CHN1: variants seen among roughly 807,000 people sequenced by gnomAD.
CHN1 encodes chimerin 1, also known as N-chimaerin.
CHN1 carries 37 observed loss-of-function variants against 59.5 expected under a neutral mutation model. That is an observed-to-expected ratio of 0.62 (90% CI 0.48 to 0.82). The LOEUF is 0.82. CHN1 is among the 40% of genes least tolerant of loss of function. The pLI is 0.00. For missense variants in CHN1, 469 were observed against 571.0 expected, an observed-to-expected ratio of 0.82 and a Z score of 1.82; for synonymous variants, 206 against 200.4, an observed-to-expected ratio of 1.03 and a Z score of -0.24.
At chr2:174,859,378 G>A (rs961009052) in intron 6 of CHN1, among the ~76,000 whole-genome samples, 10 of 152,180 alleles carry the variant, frequency 6.6e-5, no homozygotes, top group South Asian at 2.1e-4. Context: ...GCCCAAGGGA[G>A]GACTCAGAAA....
chr2:174,801,975 C>T (rs1191954291), intron 11 of CHN1, 163 bp from the exon 12 acceptor site: 4 of 536,258 alleles, frequency 7.5e-6, no homozygotes, highest in Non-Finnish European at 1.3e-5. Flanking sequence ...GGTTCAAGTC[C>T]AGATTTCCAA....
At chr2:174,871,227 C>A (rs1687396805) in intron 6 of CHN1, among the ~76,000 whole-genome samples, 1 of 150,736 alleles carries the variant, frequency 6.6e-6, no homozygotes, top group South Asian at 2.1e-4. Context: ...CTAGCCACCA[C>A]CCTCACGAAC....
chr2:174,940,586 G>A (rs1278503872), intron 3 of CHN1, among the ~76,000 whole-genome samples: 1 of 151,656 alleles, frequency 6.6e-6, no homozygotes, highest in Non-Finnish European at 1.5e-5. Context: ...GATGTCTTAT[G>A]GAAGGTACAC....
chr2:174,880,915 G>A (rs918070931), intron 5 of CHN1, among the ~76,000 whole-genome samples: 3 of 151,882 alleles, frequency 2.0e-5, no homozygotes, highest in African/African-American at 7.3e-5. Context: ...GCGTGGTAGC[G>A]CATGCCTGTA....
chr2:174,885,164 A>G lies in CHN1; in HGVS notation c.261-7036T>C, dbSNP rs1220833694. Among the ~76,000 whole-genome samples the G allele has an allele frequency of 4.6e-5, 7 of 150,932 alleles. No individual in the cohort carries two copies. In the East Asian group the frequency reaches 1.4e-3, roughly 29 times the overall value. On this transcript the variant is annotated intron_variant, in intron 5 of 12. Transcript: ENST00000409900. Reference sequence around the variant, plus strand: ...CAGCCAGGCGCCCGTAGTCCCAGCTACTCAGGAGGACGAGACAGGAGAATC... The same window carrying G: ...CAGCCAGGCGCCCGTAGTCCCAGCTGCTCAGGAGGACGAGACAGGAGAATC...
intron 5 of CHN1, among the ~76,000 whole-genome samples, chr2:174,906,560 T>A (rs1320786428): frequency 1.3e-5 from 2 of 152,152 alleles, no homozygotes; most frequent in Non-Finnish European, 2.9e-5. Flanking sequence ...ACCACTGAAC[T>A]GTACACTTGA....
At chr2:174,810,711 ATATT>A (rs1232736857) in intron 10 of CHN1, among the ~76,000 whole-genome samples, 2 of 152,204 alleles carry the variant, frequency 1.3e-5, no homozygotes. Context: ...TTGGTAATGA[ATATT>A]TAATTACTTT....
chr2:174,874,762 G>C lies in CHN1; in HGVS notation c.549+3078C>G, dbSNP rs1307950091. Among the ~76,000 whole-genome samples the C allele has an allele frequency of 2.0e-5, 3 of 152,012 alleles. No individual in the cohort carries two copies. The East Asian group carries it at 5.8e-4, about 29-fold the overall frequency. The stretch of plus-strand genomic sequence containing the variant: ...AAAATGTTCTTAATAATGGCAGGGT[G>C]ATCAAATAAGTATGAGAGCACTCTT... On this transcript the variant is annotated intron_variant, in intron 6 of 12. Coordinates refer to ENST00000409900, the MANE Select transcript of CHN1 (RefSeq NM_001822.7).
chr2:174,810,937 T>C (rs1470109757), intron 10 of CHN1: 1 of 152,228 alleles, frequency 6.6e-6, no homozygotes, highest in East Asian at 1.9e-4. Flanking sequence ...TGGAAGCAAA[T>C]CTTAATTTAA....
At chr2:174,944,356 T>C (rs753700445) in intron 3 of CHN1, among the ~76,000 whole-genome samples, 33 of 152,342 alleles carry the variant, frequency 2.2e-4, no homozygotes, top group Non-Finnish European at 4.0e-4. Flanking sequence ...AGTAAGTATA[T>C]TCTGAGCTTT....
Position 175,000,234 on chromosome 2 carries a change from G to A in CHN1, c.19+4660C>T, listed in dbSNP as rs570156780. On this transcript the variant is annotated intron_variant, in intron 1 of 12. Transcript: ENST00000409900. The stretch of plus-strand genomic sequence containing the variant: ...CAGCTCACTGCAACCTCTACCTCCT[G>A]GGGTTCAAGCGATTCTCCTGCTTCA... Among the ~76,000 whole-genome samples the A allele has an allele frequency of 1.5e-4, 22 of 150,178 alleles. No homozygotes were observed. In the Admixed American group the frequency reaches 1.5e-3, roughly 10 times the overall value.
At chr2:174,812,837 T>A (rs1261491418) in intron 8 of CHN1, among the ~76,000 whole-genome samples, 1 of 152,214 alleles carries the variant, frequency 6.6e-6, no homozygotes, top group African/African-American at 2.4e-5. Flanking sequence ...AATGTTTATT[T>A]AATGTGGGGT....
At chr2:174,814,173 G>A (rs2105386591) in intron 8 of CHN1, among the ~76,000 whole-genome samples, 1 of 152,322 alleles carries the variant, frequency 6.6e-6, no homozygotes, top group Non-Finnish European at 1.5e-5. Flanking sequence ...GTCAAGGGAA[G>A]CTGGGTCTCT....
chr2:174,855,656 T>C (rs763683644), intron 6 of CHN1, among the ~76,000 whole-genome samples: 27 of 152,168 alleles, frequency 1.8e-4, no homozygotes, highest in Admixed American at 5.2e-4. Context: ...TAACTGACAA[T>C]TGCATAACAC....
At position 174,843,764 on chromosome 2, in the gene CHN1, A is replaced by G. The variant is rs142538549; in HGVS notation, c.627+3116T>C. On this transcript the variant is annotated intron_variant, in intron 7 of 12. Coordinates refer to ENST00000409900, the MANE Select transcript of CHN1 (RefSeq NM_001822.7). The stretch of plus-strand genomic sequence containing the variant: ...AAAATAGTGGCTACCATGTATCTAC[A>G]TGTACTGGGAACTCAATTTTTCCGA... Among the ~76,000 whole-genome samples the G allele has an allele frequency of 7.9e-3, 1,204 of 152,140 alleles. 13 individuals carry two copies. The highest frequency in any genetic ancestry group is 0.028 in the African/African-American group (1,149 of 41,520).
At chr2:174,876,231 A>C (rs1687558848) in intron 6 of CHN1, among the ~76,000 whole-genome samples, 1 of 152,202 alleles carries the variant, frequency 6.6e-6, no homozygotes, top group Admixed American at 6.5e-5. Flanking sequence ...TTAAACAGCT[A>C]AGTGTCTTTA....
intron 3 of CHN1, among the ~76,000 whole-genome samples, chr2:174,930,246 C>G (rs1319508293): frequency 1.3e-5 from 2 of 152,018 alleles, no homozygotes; most frequent in African/African-American, 4.8e-5. Flanking sequence ...AGGTGAGACA[C>G]AGAGAAGGAA....
At chr2:174,899,847 T>G (rs933826985) in intron 5 of CHN1, among the ~76,000 whole-genome samples, 2 of 152,206 alleles carry the variant, frequency 1.3e-5, no homozygotes, top group Non-Finnish European at 2.9e-5. Flanking sequence ...GCTTAGCCAT[T>G]AGCAAACAAA....
chr2:174,802,562 T>C (rs1684760642), intron 11 of CHN1, among the ~76,000 whole-genome samples: 1 of 152,228 alleles, frequency 6.6e-6, no homozygotes, highest in Non-Finnish European at 1.5e-5. Flanking sequence ...CCATCTTAAT[T>C]TGAATGTTTT....
Sources: gnomAD v4.1 joint callset for allele counts (sites outside exome capture counted in the v4.1 genomes callset) on GRCh38, gnomAD v4.1.1 for gene constraint, MANE v1.5 for transcripts, NCBI Gene and HGNC (gene_info 2026-07-23, HGNC 2026-07-21) for gene names.